The following DMRT1 variants were observed in gnomAD, a reference collection of about 807,000 sequenced individuals.
DMRT1 encodes doublesex- and mab-3-related transcription factor 1.
DMRT1 carries 7 observed loss-of-function variants against 32.3 expected under a neutral mutation model. The ratio of observed to expected loss-of-function variants is 0.22; its 90% confidence interval spans 0.12 to 0.41. The LOEUF (loss-of-function observed/expected upper bound fraction) is 0.41. DMRT1 is among the 10% of genes least tolerant of loss of function. The pLI is 1.00. For missense variants in DMRT1, 625 were observed against 500.5 expected, an observed-to-expected ratio of 1.25 and a Z score of -2.37; for synonymous variants, 278 against 206.1, an observed-to-expected ratio of 1.35 and a Z score of -2.99.
chr9:861,547 A>C (rs1180161365), intron 2 of DMRT1, among the ~76,000 whole-genome samples: 2 of 152,160 alleles, frequency 1.3e-5, no homozygotes, highest in Non-Finnish European at 2.9e-5. Context: ...CGCCATTGTC[A>C]TCATGGCCTG....
intron 4 of DMRT1, among the ~76,000 whole-genome samples, chr9:946,577 A>T (rs982776013): frequency 6.6e-6 from 1 of 152,170 alleles, no homozygotes; most frequent in African/African-American, 2.4e-5. Flanking sequence ...CTCACACTGA[A>T]TCCCAATCAA....
intron 4 of DMRT1, among the ~76,000 whole-genome samples, chr9:964,064 G>C (rs1035663262): frequency 1.3e-5 from 2 of 152,180 alleles, no homozygotes; most frequent in Non-Finnish European, 2.9e-5. Context: ...TGTTTTTAAA[G>C]CATGAATATC....
At chr9:891,814 G>A (rs1015238358) in intron 2 of DMRT1, among the ~76,000 whole-genome samples, 3 of 152,168 alleles carry the variant, frequency 2.0e-5, no homozygotes, top group East Asian at 1.9e-4. Context: ...GTGGGCCACC[G>A]TGCCTGGCTG....
chr9:879,193 T>G (rs1383124116), intron 2 of DMRT1, among the ~76,000 whole-genome samples: 1 of 152,184 alleles, frequency 6.6e-6, no homozygotes, highest in Non-Finnish European at 1.5e-5. Context: ...ACTTTTTACT[T>G]GCAGAATCTC....
At chr9:888,195 A>G (rs1053139404) in intron 2 of DMRT1, among the ~76,000 whole-genome samples, 9 of 152,244 alleles carry the variant, frequency 5.9e-5, no homozygotes, top group Admixed American at 2.0e-4. Context: ...GATGTAAGCC[A>G]TGAAACTCAC....
intron 3 of DMRT1, among the ~76,000 whole-genome samples, chr9:911,777 C>T (rs1320754611): frequency 6.6e-6 from 1 of 152,156 alleles, no homozygotes. Flanking sequence ...CAGGCGTGAG[C>T]CACCGCGCCC....
intron 2 of DMRT1, among the ~76,000 whole-genome samples, chr9:879,523 T>C (rs887064531): frequency 4.6e-5 from 7 of 152,176 alleles, no homozygotes; most frequent in African/African-American, 1.7e-4. Flanking sequence ...GGAAGAAAAT[T>C]CAGCTTCACG....
At chr9:963,736 C>T (rs1176778710) in intron 4 of DMRT1, among the ~76,000 whole-genome samples, 3 of 152,220 alleles carry the variant, frequency 2.0e-5, no homozygotes, top group South Asian at 2.1e-4. Flanking sequence ...AGCAGTTCCA[C>T]TCTGGAAAAG....
In DMRT1 at chr9:890,083, G is replaced by GGGTTTTTTTTTT. The variant is rs1273507545; in HGVS notation, c.539-3829_539-3828insGGTTTTTTTTTT. Among the ~76,000 whole-genome samples the GGGTTTTTTTTTT allele has an allele frequency of 1.8e-3, 199 of 108,848 alleles. 1 individual carries two copies. The highest frequency in any genetic ancestry group is 6.0e-3 in the African/African-American group (190 of 31,462). The allele number at this position is 108,848 out of a possible 152,430, so 71.4% of individuals were successfully genotyped here. On this transcript the variant is annotated intron_variant, in intron 2 of 4. Transcript: ENST00000382276. The stretch of plus-strand genomic sequence containing the variant: ...AAACCACCACTTAACGCCACCAAAC[G>GGGTTTTTTTTTT]TGTTTTTTTTTTTTTTTTTTTTTGA...
chr9:873,420 C>G (rs893870441), intron 2 of DMRT1, among the ~76,000 whole-genome samples: 2 of 152,022 alleles, frequency 1.3e-5, no homozygotes, highest in African/African-American at 2.4e-5. Flanking sequence ...ATTCTCCTGC[C>G]TCAGACTCCT....
intron 2 of DMRT1, among the ~76,000 whole-genome samples, chr9:859,303 A>G (rs370856541): frequency 6.6e-6 from 1 of 152,168 alleles, no homozygotes. Context: ...TTTATAGGGA[A>G]CGGATGCAGG....
At chr9:843,641 C>T (rs7025380) in intron 1 of DMRT1, among the ~76,000 whole-genome samples, 5,486 of 152,164 alleles carry the variant, frequency 0.036, 281 homozygotes, top group African/African-American at 0.12. Context: ...GGCAGTAATC[C>T]ACGTTATTTC....
chr9:880,711 C>G (rs1412482863), intron 2 of DMRT1, among the ~76,000 whole-genome samples: 5 of 96,030 alleles, frequency 5.2e-5, no homozygotes, highest in Non-Finnish European at 7.7e-5. Context: ...GGGCAACCAG[C>G]AAAACTCAGT....
intron 3 of DMRT1, among the ~76,000 whole-genome samples, chr9:896,254 T>G (rs996566110): frequency 5.3e-5 from 8 of 151,786 alleles, no homozygotes; most frequent in South Asian, 4.2e-4. Flanking sequence ...TAAGAACATT[T>G]TAAACTGAGA....
chr9:935,017 A>G (rs973483360), intron 4 of DMRT1, among the ~76,000 whole-genome samples: 5 of 152,244 alleles, frequency 3.3e-5, no homozygotes, highest in Non-Finnish European at 7.3e-5. Context: ...AAAGGCATAT[A>G]GGGTAACCAG....
chr9:953,510 C>A (rs1451920299), intron 4 of DMRT1, among the ~76,000 whole-genome samples: 1 of 152,212 alleles, frequency 6.6e-6, no homozygotes, highest in Non-Finnish European at 1.5e-5. Flanking sequence ...CCCCCCCGAC[C>A]TTTGATGACA....
At chr9:953,726 A>C (rs1463810087) in intron 4 of DMRT1, among the ~76,000 whole-genome samples, 1 of 152,190 alleles carries the variant, frequency 6.6e-6, no homozygotes, top group African/African-American at 2.4e-5. Context: ...CATTCTTTCC[A>C]TGCATACTTA....
intron 3 of DMRT1, among the ~76,000 whole-genome samples, chr9:895,622 C>T (rs80345537): frequency 0.011 from 1,748 of 152,124 alleles, 32 homozygotes; most frequent in African/African-American, 0.04. Context: ...CAATGATTGC[C>T]ACAATTAAGC....
intron 2 of DMRT1, among the ~76,000 whole-genome samples, chr9:856,527 G>T (rs1195029937): frequency 6.6e-6 from 1 of 152,140 alleles, no homozygotes; most frequent in East Asian, 1.9e-4. Context: ...TACTTAGCCT[G>T]ATGTTTCTAA....
Sources: gnomAD v4.1 joint callset for allele counts (sites outside exome capture counted in the v4.1 genomes callset) on GRCh38, gnomAD v4.1.1 for gene constraint, MANE v1.5 for transcripts, NCBI Gene and HGNC (gene_info 2026-07-23, HGNC 2026-07-21) for gene names.